VIT: variants seen among roughly 807,000 people sequenced by gnomAD.
VIT encodes vitrin.
VIT carries 99 observed loss-of-function variants against 78.0 expected under a neutral mutation model. That is an observed-to-expected ratio of 1.27 (90% confidence interval 1.08 to 1.50). VIT has a LOEUF of 1.50. VIT is among the 40% of genes most tolerant of loss of function. The pLI is 0.00. For missense variants in VIT, 1,126 were observed against 875.3 expected, an observed-to-expected ratio of 1.29 and a Z score of -3.61; for synonymous variants, 374 against 334.3, an observed-to-expected ratio of 1.12 and a Z score of -1.29.
At chr2:36,788,228 C>T (rs17494117) in intron 12 of VIT, among the ~76,000 whole-genome samples, 10,292 of 152,192 alleles carry the variant, frequency 0.068, 479 homozygotes, top group Non-Finnish European at 0.1. Flanking sequence ...AGTGCGGTCA[C>T]AGCTTACTCA....
intron 6 of VIT, among the ~76,000 whole-genome samples, chr2:36,761,469 A>C (rs146749666): frequency 6.6e-6 from 1 of 152,034 alleles, no homozygotes; most frequent in Non-Finnish European, 1.5e-5. Context: ...GGCCGGGCGC[A>C]GTGGCTCACA....
At chr2:36,786,613 C>T (rs141229312) in intron 11 of VIT, among the ~76,000 whole-genome samples, 361 of 152,316 alleles carry the variant, frequency 2.4e-3, no homozygotes, top group African/African-American at 8.0e-3. Context: ...TTGGTTCCCT[C>T]GCCCAGGGAA....
chr2:36,699,245 C>T (rs1205470695), intron 1 of VIT, among the ~76,000 whole-genome samples: 4 of 151,656 alleles, frequency 2.6e-5, no homozygotes, highest in Admixed American at 1.3e-4. Context: ...TATTTCATCA[C>T]ATACGAAATG....
intron 1 of VIT, among the ~76,000 whole-genome samples, chr2:36,702,217 A>G (rs1269608745): frequency 6.6e-6 from 1 of 152,150 alleles, no homozygotes; most frequent in Non-Finnish European, 1.5e-5. Context: ...TTGGGAGGCC[A>G]GTGTGTCTGC....
rs79700627 is a variant in VIT at position 36,804,321 on chromosome 2, T to C, written c.1163-1117T>C. Among the ~76,000 whole-genome samples, 1,176 of 152,308 alleles carry C rather than the reference T, an allele frequency of 7.7e-3. 20 individuals carry two copies. Among genetic ancestry groups the C allele is most frequent in the African/African-American group, 0.027 (1,120 of 41,566 alleles). ...ACTCTTCCCTGCCCAACCAGACCTG[T>C]GCCCTTGGCCTGGAACTGGAGGAAA... On this transcript the variant is annotated intron_variant, in intron 13 of 15. Transcript: ENST00000379242.
chr2:36,742,717 C>A (rs1261853824), intron 3 of VIT, among the ~76,000 whole-genome samples: 1 of 152,162 alleles, frequency 6.6e-6, no homozygotes, highest in Admixed American at 6.5e-5. Context: ...ACTTTTCCTT[C>A]CTTTTGTAAG....
At chr2:36,808,376 G>A in intron 14 of VIT, 96 bp from the exon 15 acceptor site, 1 of 1,455,930 alleles carries the variant, frequency 6.9e-7, no homozygotes. Flanking sequence ...ACAAGGGCCT[G>A]CTTGCTTCTT....
intron 9 of VIT, among the ~76,000 whole-genome samples, chr2:36,779,843 T>C (rs919305277): frequency 2.0e-5 from 3 of 152,212 alleles, no homozygotes; most frequent in African/African-American, 7.2e-5. Context: ...AGTGATTTTA[T>C]ACACATTTAC....
At position 36,801,347 on chromosome 2, in the gene VIT, C is replaced by A. The variant is rs377073906; in HGVS notation, c.1105C>A (p.Arg369=). The A allele has an allele frequency of 6.2e-7, 1 of 1,614,100 alleles. No homozygotes were observed. Among genetic ancestry groups the A allele is most frequent in the South Asian group, 1.1e-5 (1 of 91,078 alleles). Residue 369 remains arginine (R), a synonymous_variant, in exon 13 of 16, where the codon CGA becomes AGA. Transcript: ENST00000379242. ...TAACCTCAAGACACACACGAATTCT[C>A]GAGATCTGAAGACAGCCATAGAGAA... ...HFNLKTHTNS[R]DLKTAIEKIT... is the part of the protein sequence containing the mutation.
Position 36,755,013 on chromosome 2 carries a change from C to A in VIT, c.368C>A (p.Ser123Ter), listed in dbSNP as rs779576274. The A allele has an allele frequency of 4.0e-5, 64 of 1,614,008 alleles. 1 individual carries two copies. Among genetic ancestry groups the A allele is most frequent in the South Asian group, 1.5e-4 (14 of 91,086 alleles). ...GGGAGTTATTCCAACGGTGTCCAAT[C>A]GTTATCCCTACCACGATGGAGAGAA... is the stretch of plus-strand genomic sequence containing the variant. ...YKGSYSNGVQ[S>*]LSLPRWRESF... The change falls in exon 5 of 16, where the codon TCG (serine) becomes TAG (stop). Residue 123 changes from serine (S) to a stop codon, truncating the protein, a stop_gained. Coordinates refer to ENST00000379242, the MANE Select transcript of VIT (RefSeq NM_053276.4). LOFTEE classifies it high-confidence loss of function.
chr2:36,759,761 T>A, intron 6 of VIT: 1 of 729,916 alleles, frequency 1.4e-6, no homozygotes, highest in Non-Finnish European at 1.7e-6. Flanking sequence ...TTCATGTACT[T>A]AAGGTGAACA....
intron 11 of VIT, among the ~76,000 whole-genome samples, chr2:36,784,764 G>A (rs985147695): frequency 2.6e-5 from 4 of 152,192 alleles, no homozygotes; most frequent in Admixed American, 6.5e-5. Flanking sequence ...TGCTCACACT[G>A]AACATTGTAT....
At chr2:36,744,434 C>T (rs1242419645) in intron 4 of VIT, among the ~76,000 whole-genome samples, 1 of 152,188 alleles carries the variant, frequency 6.6e-6, no homozygotes, top group Admixed American at 6.5e-5. Context: ...AATTTACATT[C>T]CCACCAACAA....
intron 15 of VIT, among the ~76,000 whole-genome samples, chr2:36,812,553 T>C (rs980898536): frequency 1.3e-5 from 2 of 152,080 alleles, no homozygotes; most frequent in African/African-American, 2.4e-5. Flanking sequence ...CTCTCCTCCC[T>C]GGGTCATCTT....
In VIT at chr2:36,781,735, G is replaced by C. The variant is rs1324545851; in HGVS notation, c.811G>C (p.Asp271His). Residue 271 changes from aspartate (D) to histidine (H), a missense_variant, in exon 10 of 16, where the codon GAC becomes CAC. Asp to His is a moderately conservative substitution (Grantham distance 81). Coordinates refer to ENST00000379242, the MANE Select transcript of VIT (RefSeq NM_053276.4). ...TCAATTTTGAAAATCAGGAGAGATG[G>C]ACTCATGGAAACCTGGATCGGTCCT... ...VGADVSLGEM[D>H]SWKPGSVLLD... is the part of the protein sequence containing the mutation. 2.5e-6 allele frequency: 4 copies of C among 1,614,140 alleles called. No homozygotes were observed. Among genetic ancestry groups the C allele is most frequent in the Non-Finnish European group, 3.4e-6 (4 of 1,180,026 alleles).
intron 12 of VIT, among the ~76,000 whole-genome samples, chr2:36,797,390 C>A (rs1665980344): frequency 6.6e-6 from 1 of 152,064 alleles, no homozygotes; most frequent in African/African-American, 2.4e-5. Context: ...AGATGAAAGC[C>A]CAAACTTGGG....
chr2:36,762,826 A>G (rs1009105308), intron 6 of VIT, among the ~76,000 whole-genome samples: 1 of 152,200 alleles, frequency 6.6e-6, no homozygotes, highest in African/African-American at 2.4e-5. Context: ...CTCAAAAAAT[A>G]GAAGGCACTT....
At position 36,775,016 on chromosome 2, in the gene VIT, G is replaced by T; in HGVS notation, c.751G>T (p.Asp251Tyr). ...AATCCCCTCAGGTATCCAAAGGCAAGATCCTTCAGGAGCTGCCTTCCAGAA... is the reference window on the plus strand; with the variant it reads ...AATCCCCTCAGGTATCCAAAGGCAATATCCTTCAGGAGCTGCCTTCCAGAA... Reference protein sequence around the residue: ...PRADPGIQRQDPSGAAFQKPV... With the variant: ...PRADPGIQRQYPSGAAFQKPV... Residue 251 changes from aspartate (D) to tyrosine (Y), a missense_variant, in exon 9 of 16, where the codon GAT (aspartate) becomes TAT (tyrosine). Asp to Tyr is a radical substitution (Grantham distance 160). Transcript: ENST00000379242. The T allele has an allele frequency of 1.2e-6, 2 of 1,614,162 alleles. No homozygotes were observed. The highest frequency in any genetic ancestry group is 2.2e-5 in the South Asian group (2 of 91,072).
rs189156276 is a variant in VIT at position 36,810,805 on chromosome 2, T to C, written c.1903+1820T>C. ...CACACCACCACGCCCAGCTAATTTT[T>C]GTATTTTTGGTAGAGACAGGGTTTC... On this transcript the variant is annotated intron_variant, in intron 15 of 15. Transcript: ENST00000379242. 3.9e-4 allele frequency among the ~76,000 whole-genome samples: 60 copies of C among 152,182 alleles called. 1 individual carries two copies. The highest frequency in any genetic ancestry group is 3.5e-3 in the Admixed American group (54 of 15,276).
Sources: allele counts gnomAD v4.1 joint callset (sites outside exome capture counted in the v4.1 genomes callset), GRCh38; gene constraint gnomAD v4.1.1; transcripts MANE v1.5; gene names NCBI Gene and HGNC (gene_info 2026-07-23, HGNC 2026-07-21).